Variants in DLG5 observed in about 807,000 individuals in gnomAD.
The protein encoded by DLG5 is discs large MAGUK scaffold protein 5.
Under a neutral mutation model 189.8 loss-of-function variants are expected in DLG5, and 48 were observed. That is an observed-to-expected ratio of 0.25 (90% CI 0.20 to 0.32). The LOEUF is 0.32. Ranked by LOEUF, DLG5 falls within the 10% of genes least tolerant of loss-of-function variation. The pLI is 1.00. For missense variants in DLG5, 2,160 were observed against 2,544.7 expected, an observed-to-expected ratio of 0.85 and a Z score of 3.25; for synonymous variants, 1,016 against 1,054.1, an observed-to-expected ratio of 0.96 and a Z score of 0.70.
intron 3 of DLG5, among the ~76,000 whole-genome samples, chr10:77,854,957 C>A (rs2154576713): frequency 6.6e-6 from 1 of 152,218 alleles, no homozygotes; most frequent in Non-Finnish European, 1.5e-5. Flanking sequence ...CCACTGCACT[C>A]CAGCCTGGGC....
chr10:77,806,762 A>G lies in DLG5; in HGVS notation c.4963T>C (p.Tyr1655His). The change falls in exon 26 of 32, where the codon TAT (tyrosine) becomes CAT (histidine). Residue 1655 changes from tyrosine to histidine, a missense_variant. This residue lies in a region of DLG5 where 574 missense variants were observed against 644.2 expected (regional missense o/e 0.89). Coordinates refer to ENST00000372391, the MANE Select transcript of DLG5 (RefSeq NM_004747.4). ...CCAGGCCCGGAGAACACTTACACAT[A>G]TTTGCTGGGAATCTGCCCGCGCTGG... is the stretch of plus-strand genomic sequence containing the variant. ...KIQRGQIPSKYVMDQEFSRRL... is the reference protein window; with the variant it reads ...KIQRGQIPSKHVMDQEFSRRL... 1 of 1,601,448 alleles carries G rather than the reference A, an allele frequency of 6.2e-7. No individual in the cohort carries two copies. The highest frequency in any genetic ancestry group is 8.5e-7 in the Non-Finnish European group (1 of 1,171,934).
intron 2 of DLG5, chr10:77,868,743 C>T (rs1248953077): frequency 3.9e-6 from 1 of 253,674 alleles, no homozygotes; most frequent in East Asian, 1.4e-4. Flanking sequence ...GAGAAACACA[C>T]CCAATTCAGC....
Position 77,856,453 on chromosome 10 carries a change from G to GACACACAC in DLG5, c.536+269_536+276dup, listed in dbSNP as rs58908767. On this transcript the variant is annotated intron_variant, in intron 3 of 31. Coordinates refer to ENST00000372391, the MANE Select transcript of DLG5 (RefSeq NM_004747.4). Reference sequence around the variant, plus strand: ...GGCAGGTCTAGGAGACAGTGGTAGGGACACACACACACACACACACACACA... The same window carrying GACACACAC: ...GGCAGGTCTAGGAGACAGTGGTAGGGACACACACACACACACACACACACACACACACA... 1.6e-3 allele frequency among the ~76,000 whole-genome samples: 233 copies of GACACACAC among 149,970 alleles called. 2 individuals are homozygous for GACACACAC. Among genetic ancestry groups the GACACACAC allele is most frequent in the African/African-American group, 4.7e-3 (194 of 40,930 alleles).
intron 1 of DLG5, among the ~76,000 whole-genome samples, chr10:77,879,947 A>G (rs1015228406): frequency 3.3e-5 from 5 of 152,198 alleles, no homozygotes; most frequent in Admixed American, 2.6e-4. Flanking sequence ...TCATGGCTAG[A>G]GATGTAATCT....
At chr10:77,853,963 G>C (rs1844107103) in intron 4 of DLG5, among the ~76,000 whole-genome samples, 1 of 152,234 alleles carries the variant, frequency 6.6e-6, no homozygotes. Flanking sequence ...AGGCCTGCCT[G>C]AGCCCTGCTG....
rs879125839 is a variant in DLG5, at chr10:77,793,916, G to A, written c.5656+92C>T. Reference sequence around the variant, plus strand: ...CAGCACTTGGGAGCATGTAGAAAGTGCGGGCTTCTCCACGGCTAAGAAAAC... The same window carrying A: ...CAGCACTTGGGAGCATGTAGAAAGTACGGGCTTCTCCACGGCTAAGAAAAC... On this transcript the variant is annotated intron_variant, in intron 31 of 31. Coordinates refer to ENST00000372391, the MANE Select transcript of DLG5 (RefSeq NM_004747.4). 20 of 1,177,436 alleles carry A rather than the reference G, an allele frequency of 1.7e-5. 1 individual carries two copies. In the South Asian group the frequency reaches 1.9e-4, roughly 11 times the overall value. The allele number at this position is 1,177,436 out of a possible 1,614,324, so 72.9% of individuals were successfully genotyped here.
intron 1 of DLG5, among the ~76,000 whole-genome samples, chr10:77,911,576 A>G (rs1255700975): frequency 1.3e-5 from 2 of 152,158 alleles, no homozygotes; most frequent in African/African-American, 2.4e-5. Flanking sequence ...TGCAGATTTA[A>G]TTTGGGGACT....
chr10:77,927,058 C>A, upstream of DLG5: 1 of 222,984 alleles, frequency 4.5e-6, no homozygotes, highest in Non-Finnish European at 8.9e-6. Flanking sequence ...ACCGGGGCCC[C>A]GCGGCCGCCA....
chr10:77,894,141 C>T (rs1272601), intron 1 of DLG5, among the ~76,000 whole-genome samples: 104,630 of 152,086 alleles, frequency 0.69, 36,208 homozygotes, highest in East Asian at 0.75. Flanking sequence ...AGAGGCTGCA[C>T]GTGCACATAC....
At chr10:77,927,089 GC>G, upstream of DLG5, 1 of 181,208 alleles carries the variant, frequency 5.5e-6, no homozygotes, top group Non-Finnish European at 1.1e-5. Flanking sequence ...CGTGGCCACA[GC>G]CCCGCCGCCG....
intron 23 of DLG5, 35 bp downstream of exon 23, chr10:77,811,059 G>A (rs375548804): frequency 2.6e-5 from 41 of 1,600,810 alleles, no homozygotes; most frequent in South Asian, 6.7e-5. Flanking sequence ...CAGCCGAAGC[G>A]GACACAGGGA....
chr10:77,892,017 C>T (rs1449257457), intron 1 of DLG5, among the ~76,000 whole-genome samples: 5 of 152,262 alleles, frequency 3.3e-5, no homozygotes, highest in African/African-American at 1.2e-4. Context: ...TCACAGCACC[C>T]TGCCCTCATC....
At chr10:77,859,991 A>G (rs1844408464) in intron 2 of DLG5, among the ~76,000 whole-genome samples, 1 of 152,152 alleles carries the variant, frequency 6.6e-6, no homozygotes, top group Admixed American at 6.5e-5. Flanking sequence ...ACCATAACCT[A>G]CCTGACTCTC....
chr10:77,792,566 C>G (rs756383324), intron 31 of DLG5, 23 bp from the exon 32 acceptor site: 2 of 1,610,620 alleles, frequency 1.2e-6, no homozygotes, highest in African/African-American at 1.3e-5. Context: ...CCCCCAGACA[C>G]GTCATTCAGC....
chr10:77,910,985 A>AG (rs1308668749), intron 1 of DLG5, among the ~76,000 whole-genome samples: 22 of 123,194 alleles, frequency 1.8e-4, no homozygotes, highest in Middle Eastern at 3.7e-3. Context: ...TTCTGTCTGA[A>AG]GGAAAAAAAA....
At chr10:77,810,079 G>A (rs1262956116) in intron 23 of DLG5, among the ~76,000 whole-genome samples, 1 of 152,218 alleles carries the variant, frequency 6.6e-6, no homozygotes, top group Non-Finnish European at 1.5e-5. Flanking sequence ...TACTTCCTAA[G>A]GAAAGGTAAA....
intron 1 of DLG5, among the ~76,000 whole-genome samples, chr10:77,890,399 C>G (rs1360580690): frequency 6.6e-6 from 1 of 152,184 alleles, no homozygotes; most frequent in East Asian, 1.9e-4. Flanking sequence ...CTCATCCACC[C>G]CACGATTCAC....
At chr10:77,833,764 A>G (rs1425408704) in intron 9 of DLG5, 150 bp downstream of exon 9, 12 of 1,133,400 alleles carry the variant, frequency 1.1e-5, no homozygotes, top group South Asian at 1.5e-5. Flanking sequence ...TGACAGAGTA[A>G]GGCAGAGTGA....
intron 1 of DLG5, among the ~76,000 whole-genome samples, chr10:77,917,979 T>C (rs974587256): frequency 1.4e-4 from 21 of 151,360 alleles, no homozygotes; most frequent in East Asian, 2.0e-4. Context: ...GATCATGCCA[T>C]TGTACTCCAG....
Sources: allele counts gnomAD v4.1 joint callset (sites outside exome capture counted in the v4.1 genomes callset), GRCh38; gene constraint gnomAD v4.1.1; regional missense constraint gnomAD v4.1.1; transcripts MANE v1.5; gene names NCBI Gene and HGNC (gene_info 2026-07-23, HGNC 2026-07-21).